MYO16: variants seen among roughly 807,000 people sequenced by gnomAD.
MYO16 encodes myosin XVI, also known as unconventional myosin-XVI.
A neutral mutation model predicts 205.3 loss-of-function variants in MYO16; 94 were observed. That is an observed-to-expected ratio of 0.46 (90% CI 0.39 to 0.54). The LOEUF is 0.54. MYO16 is among the 20% of genes least tolerant of loss of function. The pLI, the probability that MYO16 is intolerant of heterozygous loss-of-function variation, is 0.00. For missense variants in MYO16, 2,315 were observed against 2,387.5 expected (o/e 0.97, Z 0.63); for synonymous variants, 988 against 954.0 (o/e 1.04, Z -0.66).
chr13:108,801,027 T>G (rs763150962), intron 6 of MYO16, among the ~76,000 whole-genome samples: 19 of 152,164 alleles, frequency 1.2e-4, no homozygotes, highest in Non-Finnish European at 2.5e-4. Flanking sequence ...ATAATTAACA[T>G]TTTGCATTAA....
intron 23 of MYO16, among the ~76,000 whole-genome samples, chr13:109,038,843 A>G (rs889315290): frequency 2.0e-5 from 3 of 152,104 alleles, no homozygotes; most frequent in African/African-American, 7.2e-5. Flanking sequence ...TTCAATGCAT[A>G]GGTTTATTTA....
At chr13:108,978,935 T>C (rs2139409688) in intron 20 of MYO16, among the ~76,000 whole-genome samples, 1 of 152,104 alleles carries the variant, frequency 6.6e-6, no homozygotes, top group Admixed American at 6.5e-5. Flanking sequence ...TTTCATCCAC[T>C]TTGATATTTT....
chr13:109,029,729 C>G (rs578084409), intron 23 of MYO16, among the ~76,000 whole-genome samples: 43 of 152,208 alleles, frequency 2.8e-4, no homozygotes, highest in Middle Eastern at 3.4e-3. Flanking sequence ...CTTGAGCAGG[C>G]GTTTTGAAAA....
At chr13:109,019,946 A>T in intron 23 of MYO16, 35 bp downstream of exon 23, 1 of 1,594,792 alleles carries the variant, frequency 6.3e-7, no homozygotes, top group Admixed American at 1.7e-5. Context: ...TTTCATGTGC[A>T]CTAATGATCA....
chr13:108,718,567 A>G (rs1296758358), intron 3 of MYO16, among the ~76,000 whole-genome samples: 1 of 151,926 alleles, frequency 6.6e-6, no homozygotes, highest in Non-Finnish European at 1.5e-5. Flanking sequence ...GGCAGGAAAG[A>G]GAGCGGGCAC....
intron 1 of MYO16, among the ~76,000 whole-genome samples, chr13:108,614,032 A>G (rs1879264070): frequency 6.6e-6 from 1 of 152,116 alleles, no homozygotes; most frequent in Admixed American, 6.5e-5. Context: ...AAAAATGAGA[A>G]GCAAAATTAT....
chr13:109,013,213 G>A (rs12381070), intron 22 of MYO16, among the ~76,000 whole-genome samples: 13,731 of 149,216 alleles, frequency 0.092, 739 homozygotes, highest in East Asian at 0.21. Context: ...GAGAACATGC[G>A]GTGTTTGGTT....
chr13:108,603,296 A>C (rs1204325150), intron 1 of MYO16, among the ~76,000 whole-genome samples: 1 of 152,182 alleles, frequency 6.6e-6, no homozygotes, highest in African/African-American at 2.4e-5. Context: ...TGGAGGCATT[A>C]AATTGACTAC....
intron 21 of MYO16, among the ~76,000 whole-genome samples, chr13:109,001,717 A>G (rs924798672): frequency 3.9e-5 from 6 of 152,178 alleles, no homozygotes; most frequent in African/African-American, 1.4e-4. Flanking sequence ...GGTAATCTTC[A>G]AATAGTTGAA....
At position 109,206,728 on chromosome 13, in the gene MYO16, G is replaced by GC; in HGVS notation, c.5538dup (p.Arg1847GlnfsTer28). ...GGCAGCAGATCCTGCACCACGCTGA[G>GC]CCCAGGGTGCCTCCCCCACCACCTT... On this transcript the variant is annotated frameshift_variant, in exon 35 of 35. Coordinates refer to ENST00000457511, the MANE Select transcript of MYO16 (RefSeq NM_001198950.3). LOFTEE classifies it high-confidence loss of function. 2 of 1,614,166 alleles carry GC rather than the reference G, an allele frequency of 1.2e-6. No individual in the cohort carries two copies. Among genetic ancestry groups the GC allele is most frequent in the Non-Finnish European group, 1.7e-6 (2 of 1,180,028 alleles).
chr13:108,921,737 A>C (rs1881753487), intron 16 of MYO16, among the ~76,000 whole-genome samples: 2 of 152,188 alleles, frequency 1.3e-5, no homozygotes, highest in Non-Finnish European at 2.9e-5. Flanking sequence ...TTGAACTGTT[A>C]AAAGCAGCAG....
chr13:108,926,750 A>G (rs1296019259), intron 16 of MYO16, among the ~76,000 whole-genome samples: 1 of 152,216 alleles, frequency 6.6e-6, no homozygotes, highest in Non-Finnish European at 1.5e-5. Context: ...GCCTCATCCC[A>G]GAAAGGCTCT....
At chr13:108,757,063 A>G (rs1885444702) in intron 4 of MYO16, among the ~76,000 whole-genome samples, 1 of 151,344 alleles carries the variant, frequency 6.6e-6, no homozygotes, top group African/African-American at 2.5e-5. Flanking sequence ...AATTTCTAAA[A>G]CAATGATGAT....
At chr13:109,038,485 C>G (rs1033362785) in intron 23 of MYO16, among the ~76,000 whole-genome samples, 1 of 152,126 alleles carries the variant, frequency 6.6e-6, no homozygotes, top group Non-Finnish European at 1.5e-5. Context: ...GGAATCTACA[C>G]TATTGGCTCT....
chr13:109,098,243 A>G (rs1489749150), intron 27 of MYO16, among the ~76,000 whole-genome samples: 1 of 152,236 alleles, frequency 6.6e-6, no homozygotes, highest in Non-Finnish European at 1.5e-5. Flanking sequence ...CATTATAACT[A>G]GAATCAAACA....
intron 1 of MYO16, among the ~76,000 whole-genome samples, chr13:108,618,991 A>G (rs1879445892): frequency 6.6e-6 from 1 of 152,078 alleles, no homozygotes. Flanking sequence ...CCCTTTTCCT[A>G]TCAATAGCCC....
chr13:108,536,105 T>TG, the MYO16 span, among the ~76,000 whole-genome samples: 387 of 152,218 alleles, frequency 2.5e-3, 6 homozygotes, highest in South Asian at 0.026. Context: ...GATGCGGTAA[T>TG]TTTTAAAAAT....
At chr13:108,538,689 C>A in the MYO16 span, among the ~76,000 whole-genome samples, 1 of 152,160 alleles carries the variant, frequency 6.6e-6, no homozygotes, top group South Asian at 2.1e-4. Context: ...CTCCCTCCAA[C>A]TTCACTCTGA....
intron 5 of MYO16, 78 bp from the exon 6 acceptor site, chr13:108,793,438 G>T (rs1886683649): frequency 2.1e-6 from 3 of 1,411,616 alleles, no homozygotes; most frequent in Non-Finnish European, 2.9e-6. Context: ...GAAAGAATAG[G>T]TTATAAAGCT....
Sources: gnomAD v4.1 joint callset for allele counts (sites outside exome capture counted in the v4.1 genomes callset) on GRCh38, gnomAD v4.1.1 for gene constraint, MANE v1.5 for transcripts, NCBI Gene and HGNC (gene_info 2026-07-23, HGNC 2026-07-21) for gene names.